The following DHX57 variants were observed in gnomAD, a reference collection of about 807,000 sequenced individuals.
DHX57 encodes the protein putative ATP-dependent RNA helicase DHX57.
DHX57 carries 105 observed loss-of-function variants against 156.2 expected under a neutral mutation model. That is an observed-to-expected ratio of 0.67 (90% CI 0.57 to 0.79). DHX57 has a LOEUF of 0.79. Ranked by LOEUF, DHX57 falls within the 30% of genes least tolerant of loss-of-function variation. The pLI is 0.00. For synonymous variants in DHX57, 704 were observed against 595.6 expected, an observed-to-expected ratio of 1.18 and a Z score of -2.65; for missense variants, 1,847 against 1,661.9, an observed-to-expected ratio of 1.11 and a Z score of -1.94.
At chr2:38,805,956 G>A (rs1021669683) in intron 22 of DHX57, among the ~76,000 whole-genome samples, 1 of 152,112 alleles carries the variant, frequency 6.6e-6, no homozygotes, top group East Asian at 1.9e-4. Flanking sequence ...TAGAACCACT[G>A]TTTCAGAGCA....
At chr2:38,803,158 C>T (rs1389544639) in intron 22 of DHX57, 5 of 462,244 alleles carry the variant, frequency 1.1e-5, no homozygotes, top group Middle Eastern at 1.2e-3. Context: ...TAAATTTTTT[C>T]GTAGAGATAG....
intron 13 of DHX57, among the ~76,000 whole-genome samples, chr2:38,829,307 T>C (rs1367560668): frequency 7.2e-6 from 1 of 139,186 alleles, no homozygotes; most frequent in African/African-American, 2.7e-5. Context: ...TTGGAGACAG[T>C]GTCTTGCTCT....
intron 21 of DHX57, among the ~76,000 whole-genome samples, chr2:38,812,047 A>G (rs909629753): frequency 6.6e-6 from 1 of 151,924 alleles, no homozygotes; most frequent in Admixed American, 6.6e-5. Context: ...GCATGAGCCA[A>G]TGCTCCTGGC....
At chr2:38,842,462 C>T in intron 12 of DHX57, among the ~76,000 whole-genome samples, 1 of 152,078 alleles carries the variant, frequency 6.6e-6, no homozygotes, top group South Asian at 2.1e-4. Flanking sequence ...ATTTTGATCA[C>T]TGTACTGTGG....
At chr2:38,819,234 G>T in intron 17 of DHX57, 90 bp from the exon 18 acceptor site, 1 of 1,223,180 alleles carries the variant, frequency 8.2e-7, no homozygotes, top group Non-Finnish European at 1.2e-6. Flanking sequence ...GAGTGCAGTG[G>T]TGCGATCATA....
At chr2:38,842,246 C>A (rs573356618) in intron 12 of DHX57, among the ~76,000 whole-genome samples, 2 of 152,036 alleles carry the variant, frequency 1.3e-5, no homozygotes, top group Non-Finnish European at 2.9e-5. Flanking sequence ...AAATAATCTT[C>A]AAAAATGTCA....
At chr2:38,811,496 G>T (rs1670245994) in intron 21 of DHX57, 2 of 797,554 alleles carry the variant, frequency 2.5e-6, no homozygotes, top group Admixed American at 3.7e-5. Context: ...TGGACCCAAG[G>T]TTCAGTGCCT....
chr2:38,845,223 A>AC (rs1672206647), intron 11 of DHX57, among the ~76,000 whole-genome samples: 1 of 151,738 alleles, frequency 6.6e-6, no homozygotes, highest in Non-Finnish European at 1.5e-5. Flanking sequence ...ACAAAAAAAA[A>AC]CCCATATATA....
chr2:38,821,428 G>A (rs1197360291), intron 17 of DHX57, among the ~76,000 whole-genome samples: 1 of 152,164 alleles, frequency 6.6e-6, no homozygotes, highest in African/African-American at 2.4e-5. Context: ...AGGCATGGTG[G>A]CTCACACCTG....
chr2:38,850,601 G>GT (rs1241820284), intron 9 of DHX57, among the ~76,000 whole-genome samples: 1 of 79,482 alleles, frequency 1.3e-5, no homozygotes, highest in African/African-American at 3.7e-5. Context: ...CACCTGGCCT[G>GT]TTTGAGTTTT....
chr2:38,871,057 G>A (rs1665329357), intron 1 of DHX57, among the ~76,000 whole-genome samples: 1 of 152,060 alleles, frequency 6.6e-6, no homozygotes, highest in South Asian at 2.1e-4. Context: ...TTCAAGTTGA[G>A]GCAAGTATCC....
chr2:38,813,300 T>C (rs1407618727), intron 21 of DHX57, among the ~76,000 whole-genome samples: 1 of 152,180 alleles, frequency 6.6e-6, no homozygotes, highest in Non-Finnish European at 1.5e-5. Flanking sequence ...GATTAAAAAT[T>C]TTATACAATA....
At chr2:38,865,868 C>A (rs544169708) in intron 2 of DHX57, among the ~76,000 whole-genome samples, 6 of 152,304 alleles carry the variant, frequency 3.9e-5, no homozygotes, top group Non-Finnish European at 7.3e-5. Context: ...TGGAGAACAT[C>A]TCCTAACTGG....
Position 38,799,247 on chromosome 2 carries a change from T to C in DHX57, c.4018-805A>G, listed in dbSNP as rs185631555. ...CTGGGATGGTGGTGCATGCCTATAA[T>C]TCCAGCTACTTGGGAGGCTAAGGCA... is the stretch of plus-strand genomic sequence containing the variant. On this transcript the variant is annotated intron_variant, in intron 23 of 23. Transcript: ENST00000457308. 2.4e-3 allele frequency among the ~76,000 whole-genome samples: 363 copies of C among 150,412 alleles called. 1 individual carries two copies. In the Middle Eastern group the frequency reaches 0.025, roughly 11 times the overall value.
intron 23 of DHX57, among the ~76,000 whole-genome samples, chr2:38,798,875 G>A (rs1306860349): frequency 6.6e-6 from 1 of 152,106 alleles, no homozygotes; most frequent in Non-Finnish European, 1.5e-5. Context: ...CCCAGGAGGT[G>A]GAGGTTGCAG....
chr2:38,802,745 A>C lies in DHX57; in HGVS notation c.3987T>G (p.Gly1329=). Residue 1329 remains glycine (G), a synonymous_variant, in exon 23 of 24, where the codon GGT becomes GGG. Transcript: ENST00000457308. ...GGGAAGCAGCTACAAAACGGATCCAACCATCATCCAGGGAGACAACGAACT... is the reference window on the plus strand; with the variant it reads ...GGGAAGCAGCTACAAAACGGATCCACCCATCATCCAGGGAGACAACGAACT... ...RGEFVVSLDD[G]WIRFVAASHQ... The C allele has an allele frequency of 1.2e-6, 2 of 1,614,126 alleles. No homozygotes were observed. Among genetic ancestry groups the C allele is most frequent in the Non-Finnish European group, 1.7e-6 (2 of 1,180,012 alleles).
chr2:38,863,419 C>G lies in DHX57; in HGVS notation c.325G>C (p.Glu109Gln), dbSNP rs1673340682. 1.9e-6 allele frequency: 3 copies of G among 1,614,058 alleles called. No individual in the cohort carries two copies. The highest frequency in any genetic ancestry group is 2.2e-5 in the East Asian group (1 of 44,870). ...TCTCGGAGAAGAGCTTTCACTTTCTCTTGATTCTCAGAAGTCATATGTAGA... is the reference window on the plus strand; with the variant it reads ...TCTCGGAGAAGAGCTTTCACTTTCTGTTGATTCTCAGAAGTCATATGTAGA... ...QTLHMTSENQ[E>Q]KVKALLRDLQ... is the part of the protein sequence containing the mutation. Residue 109 changes from glutamate to glutamine, a missense_variant, in exon 3 of 24, where the codon GAG becomes CAG. Physicochemically the swap from Glu to Gln is conservative, Grantham distance 29. Transcript: ENST00000457308.
At chr2:38,808,376 C>T (rs1338560584) in intron 21 of DHX57, among the ~76,000 whole-genome samples, 1 of 151,922 alleles carries the variant, frequency 6.6e-6, no homozygotes, top group Non-Finnish European at 1.5e-5. Context: ...TGAAAATAAA[C>T]ATGTCTTGAA....
At chr2:38,853,946 A>G (rs1572694594) in intron 9 of DHX57, 108 bp downstream of exon 9, 2 of 1,160,848 alleles carry the variant, frequency 1.7e-6, no homozygotes, top group East Asian at 5.1e-5. Context: ...CTTGTGGCAA[A>G]TTACCATTAC....
Sources: allele counts gnomAD v4.1 joint callset (sites outside exome capture counted in the v4.1 genomes callset), GRCh38; gene constraint gnomAD v4.1.1; transcripts MANE v1.5; gene names NCBI Gene and HGNC (gene_info 2026-07-23, HGNC 2026-07-21).